Variants in HTATIP2 observed in about 807,000 individuals in gnomAD.
HTATIP2 encodes protein HTATIP2.
HTATIP2 carries 26 observed loss-of-function variants against 24.7 expected under a neutral mutation model. That is an observed-to-expected ratio of 1.05 (90% confidence interval 0.77 to 1.46). The LOEUF (loss-of-function observed/expected upper bound fraction) is 1.46. Ranked by LOEUF, HTATIP2 falls within the 40% of genes most tolerant of loss-of-function variation. The pLI is 0.00. For synonymous variants in HTATIP2, 99 were observed against 113.2 expected (o/e 0.87, Z 0.79); for missense variants, 284 against 289.6 (o/e 0.98, Z 0.14).
intron 3 of HTATIP2, among the ~76,000 whole-genome samples, chr11:20,379,423 C>T (rs1467636544): frequency 6.6e-6 from 1 of 152,112 alleles, no homozygotes; most frequent in Non-Finnish European, 1.5e-5. Flanking sequence ...CAAAATAATC[C>T]TTCAACTACT....
At chr11:20,380,023 G>A (rs1403809732) in intron 3 of HTATIP2, among the ~76,000 whole-genome samples, 3 of 152,248 alleles carry the variant, frequency 2.0e-5, no homozygotes, top group Non-Finnish European at 2.9e-5. Context: ...AGCTTGCACA[G>A]GATGTGCTTA....
chr11:20,381,174 C>G (rs558688057), intron 3 of HTATIP2, among the ~76,000 whole-genome samples: 1 of 152,214 alleles, frequency 6.6e-6, no homozygotes, highest in South Asian at 2.1e-4. Flanking sequence ...CGCGGTGGCT[C>G]TCGCCTGTAA....
At chr11:20,369,076 A>C (rs191655295) in intron 2 of HTATIP2, among the ~76,000 whole-genome samples, 42 of 152,334 alleles carry the variant, frequency 2.8e-4, no homozygotes, top group Admixed American at 1.6e-3. Context: ...GGCTTTAAAA[A>C]AAAAACTAAT....
At position 20,382,985 on chromosome 11, in the gene HTATIP2, T is replaced by C. The variant is rs759091551; in HGVS notation, c.509T>C (p.Leu170Pro). ...DRYSVFRPGV[L>P]LCDRQESRPG... is the part of the protein sequence containing the mutation. ...TTTTTTTTTTTTTATTTTAGAGTTCTGTTATGTGATAGGCAAGAATCTCGC... is the reference window on the plus strand; with the variant it reads ...TTTTTTTTTTTTTATTTTAGAGTTCCGTTATGTGATAGGCAAGAATCTCGC... The change falls in exon 5 of 5, where the codon CTG (leucine) becomes CCG (proline). Residue 170 changes from leucine (L) to proline (P), a missense_variant. Physicochemically the swap from Leu to Pro is moderately conservative, Grantham distance 98. Coordinates refer to ENST00000451739, the MANE Select transcript of HTATIP2 (RefSeq NM_001098522.2). 2 of 1,609,822 alleles carry C rather than the reference T, an allele frequency of 1.2e-6. No homozygotes were observed. Among genetic ancestry groups the C allele is most frequent in the South Asian group, 2.2e-5 (2 of 90,572 alleles).
At chr11:20,374,256 C>T (rs1286382056) in intron 2 of HTATIP2, among the ~76,000 whole-genome samples, 1 of 152,160 alleles carries the variant, frequency 6.6e-6, no homozygotes, top group Admixed American at 6.5e-5. Context: ...TGATACACTT[C>T]CATACAAAGT....
rs1848551263 is a variant in HTATIP2, at chr11:20,383,383, T to C, written c.*178T>C. On this transcript the variant is annotated 3_prime_UTR_variant, in exon 5 of 5. Transcript: ENST00000451739. ...GTGGTTCAGAGCCTGGTTATACATA[T>C]AGATCACTCAGGGAGCTTTGGAAAA... 3.4e-6 allele frequency: 2 copies of C among 587,522 alleles called. No homozygotes were observed. The highest frequency in any genetic ancestry group is 6.0e-6 in the Non-Finnish European group (2 of 333,360). 36.4% of individuals were successfully genotyped at this position (587,522 alleles called of 1,614,324 possible).
rs1237289483 is a variant in HTATIP2, at chr11:20,367,158, CTG to C, written c.196-12_196-11del. On this transcript the variant is annotated splice_polypyrimidine_tract_variant and intron_variant, in intron 1 of 4. Coordinates refer to ENST00000451739, the MANE Select transcript of HTATIP2 (RefSeq NM_001098522.2). ...TTAAATAACATGAAACTACATACAA[CTG>C]TGTCCTTGCCTAGAATCAAGAAGTG... 6.2e-7 allele frequency: 1 copy of C among 1,613,480 alleles called. No homozygotes were observed. Among genetic ancestry groups the C allele is most frequent in the African/African-American group, 1.3e-5 (1 of 74,908 alleles).
intron 2 of HTATIP2, chr11:20,367,506 C>T (rs1025033576): frequency 9.7e-6 from 14 of 1,439,306 alleles, no homozygotes; most frequent in African/African-American, 4.3e-5. Flanking sequence ...CTGGAGACGT[C>T]GTAAATATTT....
intron 3 of HTATIP2, 47 bp from the exon 4 acceptor site, chr11:20,382,131 G>A (rs990728791): frequency 1.8e-6 from 2 of 1,141,350 alleles, no homozygotes; most frequent in South Asian, 2.5e-5. Flanking sequence ...CTTCACACAG[G>A]TGAGCTGGTC....
chr11:20,381,223 G>C, intron 3 of HTATIP2, among the ~76,000 whole-genome samples: 1 of 152,144 alleles, frequency 6.6e-6, no homozygotes, highest in East Asian at 1.9e-4. Context: ...TGGATCACTT[G>C]AGGTCAGGAG....
intron 2 of HTATIP2, among the ~76,000 whole-genome samples, chr11:20,368,194 A>AT (rs2064733465): frequency 6.6e-6 from 1 of 151,898 alleles, no homozygotes; most frequent in African/African-American, 2.4e-5. Context: ...AAAAAAGAAA[A>AT]AATATATATA....
chr11:20,383,222 G>T lies in HTATIP2; in HGVS notation c.*17G>T, dbSNP rs762187614. On this transcript the variant is annotated 3_prime_UTR_variant, in exon 5 of 5. Coordinates refer to ENST00000451739, the MANE Select transcript of HTATIP2 (RefSeq NM_001098522.2). Reference sequence around the variant, plus strand: ...AAGCCATGACCACATTGGAGAAATGGTTTTTATTGTCAACCTTAACACCCA... The same window carrying T: ...AAGCCATGACCACATTGGAGAAATGTTTTTTATTGTCAACCTTAACACCCA... 1 of 1,588,224 alleles carries T rather than the reference G, an allele frequency of 6.3e-7. No homozygotes were observed. Among genetic ancestry groups the T allele is most frequent in the Non-Finnish European group, 8.6e-7 (1 of 1,159,098 alleles).
At chr11:20,366,933 C>T (rs2064714637) in intron 1 of HTATIP2, among the ~76,000 whole-genome samples, 1 of 152,128 alleles carries the variant, frequency 6.6e-6, no homozygotes, top group Non-Finnish European at 1.5e-5. Context: ...ATAATCGAAC[C>T]TGACTTCAGA....
At chr11:20,379,911 C>T (rs973724927) in intron 3 of HTATIP2, among the ~76,000 whole-genome samples, 1 of 152,166 alleles carries the variant, frequency 6.6e-6, no homozygotes, top group African/African-American at 2.4e-5. Flanking sequence ...TACAACTTAT[C>T]GCATTGAAAG....
chr11:20,376,925 C>A (rs1307337556), intron 3 of HTATIP2, among the ~76,000 whole-genome samples: 2 of 152,058 alleles, frequency 1.3e-5, no homozygotes, highest in Non-Finnish European at 2.9e-5. Flanking sequence ...AATTATCCAG[C>A]AACAAATGGA....
chr11:20,365,992 AAAG>A (rs1235640498), intron 1 of HTATIP2, among the ~76,000 whole-genome samples: 1 of 151,222 alleles, frequency 6.6e-6, no homozygotes, highest in Non-Finnish European at 1.5e-5. Context: ...AAAAAAAAGA[AAAG>A]AAACAAATTG....
At chr11:20,380,027 G>A (rs937595087) in intron 3 of HTATIP2, among the ~76,000 whole-genome samples, 1 of 152,222 alleles carries the variant, frequency 6.6e-6, no homozygotes. Flanking sequence ...TGCACAGGAT[G>A]TGCTTAATGT....
chr11:20,368,578 T>C (rs886915796), intron 2 of HTATIP2, among the ~76,000 whole-genome samples: 2 of 152,226 alleles, frequency 1.3e-5, no homozygotes, highest in African/African-American at 4.8e-5. Flanking sequence ...CCAGGCACAG[T>C]CACAAGTGGT....
chr11:20,367,141 C>T (rs781561011), intron 1 of HTATIP2, 33 bp from the exon 2 acceptor site: 213 of 1,608,542 alleles, frequency 1.3e-4, no homozygotes, highest in Non-Finnish European at 1.8e-4. Context: ...GTTTAAATAA[C>T]ATGAAACTAC....
Sources: gnomAD v4.1 joint callset for allele counts (sites outside exome capture counted in the v4.1 genomes callset) on GRCh38, gnomAD v4.1.1 for gene constraint, MANE v1.5 for transcripts, NCBI Gene and HGNC (gene_info 2026-07-23, HGNC 2026-07-21) for gene names.